FBXW7: variants seen among roughly 807,000 people sequenced by gnomAD.
FBXW7 encodes F-box and WD repeat domain containing 7, also known as F-box/WD repeat-containing protein 7.
In FBXW7, 11 loss-of-function variants were observed where a neutral mutation model predicts 86.3. The observed-to-expected ratio is 0.13, with a 90% confidence interval of 0.08 to 0.21. FBXW7 has a LOEUF of 0.21. FBXW7 is among the 10% of genes least tolerant of loss of function. The probability of loss-of-function intolerance (pLI) is 1.00; values close to 1 mark genes in which losing one functional copy is unlikely to be tolerated. For synonymous variants in FBXW7, 313 were observed against 297.9 expected (o/e 1.05, Z -0.52); for missense variants, 488 against 847.4 (o/e 0.58, Z 5.27).
At chr4:152,345,337 T>C (rs1731159367) in intron 6 of FBXW7, among the ~76,000 whole-genome samples, 1 of 152,244 alleles carries the variant, frequency 6.6e-6, no homozygotes, top group Admixed American at 6.5e-5. Context: ...GGGGAAAAGG[T>C]AAGTTTAATC....
At chr4:152,440,996 G>A (rs1740845863) in intron 2 of FBXW7, among the ~76,000 whole-genome samples, 1 of 151,174 alleles carries the variant, frequency 6.6e-6, no homozygotes, top group Admixed American at 6.6e-5. Context: ...ATTTTAAGAT[G>A]GAAGCGGCAA....
In FBXW7 at chr4:152,424,613, G is replaced by A. The variant is rs561268359; in HGVS notation, c.-119-12084C>T. Reference sequence around the variant, plus strand: ...TTACCGCATGTGTTAACAGTGAATGGAGAACGAAACCTGCTCAATTTCTTA... The same window carrying A: ...TTACCGCATGTGTTAACAGTGAATGAAGAACGAAACCTGCTCAATTTCTTA... On this transcript the variant is annotated intron_variant, in intron 2 of 13. Coordinates refer to ENST00000281708, the MANE Select transcript of FBXW7 (RefSeq NM_001349798.2). 3.9e-5 allele frequency among the ~76,000 whole-genome samples: 6 copies of A among 152,308 alleles called. No homozygotes were observed. In the South Asian group the frequency reaches 1.0e-3, roughly 26 times the overall value.
rs35936410 is a variant in FBXW7 at position 152,350,149 on chromosome 4, T to C, written c.502-25A>G. The C allele has an allele frequency of 6.5e-4, 932 of 1,434,616 alleles. 4 individuals are homozygous for C. The highest frequency in any genetic ancestry group is 1.1e-3 in the Admixed American group (51 of 47,680). 88.9% of individuals were successfully genotyped at this position (1,434,616 alleles called of 1,614,324 possible). On this transcript the variant is annotated intron_variant, in intron 4 of 13. Coordinates refer to ENST00000281708, the MANE Select transcript of FBXW7 (RefSeq NM_001349798.2). ...TCTATAAGGTAAAACAAACAAGATA[T>C]GTTTTTTAAAAATCGTCTAACTATC...
intron 4 of FBXW7, among the ~76,000 whole-genome samples, chr4:152,372,268 G>T (rs1734072943): frequency 6.6e-6 from 1 of 151,880 alleles, no homozygotes; most frequent in Non-Finnish European, 1.5e-5. Context: ...ATAAAGCTTA[G>T]ACTACTCTGA....
intron 6 of FBXW7, among the ~76,000 whole-genome samples, chr4:152,344,643 T>C (rs549014786): frequency 6.6e-6 from 1 of 152,234 alleles, no homozygotes; most frequent in Admixed American, 6.5e-5. Flanking sequence ...ACATTTTATT[T>C]AAAAAGCATA....
At chr4:152,325,738 A>G in intron 12 of FBXW7, 1 of 381,470 alleles carries the variant, frequency 2.6e-6, no homozygotes. Context: ...ATTAATTAAC[A>G]TAGCAAAACT....
intron 2 of FBXW7, among the ~76,000 whole-genome samples, chr4:152,425,966 A>G (rs1201740039): frequency 6.6e-6 from 1 of 152,152 alleles, no homozygotes; most frequent in African/African-American, 2.4e-5. Flanking sequence ...CTCCAGGTAA[A>G]GAAGCAGGAT....
At chr4:152,444,035 CAT>C (rs1579215580) in intron 2 of FBXW7, among the ~76,000 whole-genome samples, 2 of 142,720 alleles carry the variant, frequency 1.4e-5, no homozygotes, top group South Asian at 2.1e-4. Context: ...TCTCTACAAA[CAT>C]GTGCTTCTCT....
intron 4 of FBXW7, among the ~76,000 whole-genome samples, chr4:152,359,651 C>A (rs1052137875): frequency 1.3e-5 from 2 of 151,476 alleles, no homozygotes; most frequent in African/African-American, 4.8e-5. Context: ...CAACAAAAAC[C>A]ACGAAGACAG....
chr4:152,441,597 T>A lies in FBXW7; in HGVS notation c.-119-29068A>T, dbSNP rs143356133. ...TGAAGCTCTAATAATAAAATGGAAG[T>A]AAAGGAGGAAGCAACAATCAGTATC... is the stretch of plus-strand genomic sequence containing the variant. On this transcript the variant is annotated intron_variant, in intron 2 of 13. Transcript: ENST00000281708. Among the ~76,000 whole-genome samples the A allele has an allele frequency of 5.4e-3, 826 of 152,204 alleles. 11 individuals carry two copies. The highest frequency in any genetic ancestry group is 0.019 in the African/African-American group (781 of 41,528).
intron 4 of FBXW7, among the ~76,000 whole-genome samples, chr4:152,378,041 G>A (rs986780154): frequency 1.3e-5 from 2 of 152,060 alleles, no homozygotes; most frequent in African/African-American, 2.4e-5. Context: ...TTTAAGTACT[G>A]TCTGTGGCTG....
At chr4:152,334,531 A>G (rs377085647) in intron 7 of FBXW7, among the ~76,000 whole-genome samples, 42 of 152,326 alleles carry the variant, frequency 2.8e-4, no homozygotes, top group African/African-American at 9.9e-4. Flanking sequence ...GAAAAAGTCT[A>G]TTCTTTTCTT....
chr4:152,492,339 G>A (rs562958087), intron 2 of FBXW7, among the ~76,000 whole-genome samples: 8 of 152,266 alleles, frequency 5.3e-5, no homozygotes, highest in East Asian at 1.9e-4. Context: ...TAAATCGACT[G>A]TAAATATAAT....
intron 2 of FBXW7, among the ~76,000 whole-genome samples, chr4:152,465,608 G>A (rs988116423): frequency 5.9e-5 from 9 of 152,052 alleles, no homozygotes; most frequent in Admixed American, 3.3e-4. Context: ...ACTTTGGGAG[G>A]CCAAAGTGGG....
intron 4 of FBXW7, among the ~76,000 whole-genome samples, chr4:152,374,886 G>GA (rs1041732196): frequency 1.7e-4 from 26 of 151,040 alleles, no homozygotes; most frequent in Admixed American, 1.5e-3. Flanking sequence ...CTAGTTACAG[G>GA]AGGGGGGGGG....
chr4:152,465,858 A>AG lies in FBXW7; in HGVS notation c.-119-53330_-119-53329insC, dbSNP rs1311492384. On this transcript the variant is annotated intron_variant, in intron 2 of 13. Coordinates refer to ENST00000281708, the MANE Select transcript of FBXW7 (RefSeq NM_001349798.2). ...GACTCTTTCTCAAAAAAAAAAAAAA[A>AG]AAAGAGAACAATATTACCCATCTAA... 2.0e-5 allele frequency among the ~76,000 whole-genome samples: 3 copies of AG among 152,046 alleles called. No individual in the cohort carries two copies. In the East Asian group the frequency reaches 5.8e-4, roughly 29 times the overall value.
intron 2 of FBXW7, among the ~76,000 whole-genome samples, chr4:152,511,774 A>G (rs1362008613): frequency 6.6e-6 from 1 of 152,220 alleles, no homozygotes; most frequent in Non-Finnish European, 1.5e-5. Context: ...CAAAGTATGT[A>G]TACTACGCTT....
intron 2 of FBXW7, among the ~76,000 whole-genome samples, chr4:152,442,833 C>G (rs1741023495): frequency 1.3e-5 from 2 of 152,172 alleles, no homozygotes; most frequent in South Asian, 4.1e-4. Context: ...TTAGACATTA[C>G]TGAGGTAAAA....
At chr4:152,334,800 A>G (rs932149580) in intron 7 of FBXW7, among the ~76,000 whole-genome samples, 2 of 152,220 alleles carry the variant, frequency 1.3e-5, no homozygotes, top group Non-Finnish European at 2.9e-5. Flanking sequence ...CTTTCCTTAA[A>G]AGTAGTGAAG....
Sources: allele counts gnomAD v4.1 joint callset (sites outside exome capture counted in the v4.1 genomes callset), GRCh38; gene constraint gnomAD v4.1.1; transcripts MANE v1.5; gene names NCBI Gene and HGNC (gene_info 2026-07-23, HGNC 2026-07-21).